Variants in PCDH9 observed in about 807,000 individuals in gnomAD.
PCDH9 encodes protocadherin 9.
A neutral mutation model predicts 70.6 loss-of-function variants in PCDH9; 24 were observed. That is an observed-to-expected ratio of 0.34 (90% confidence interval 0.25 to 0.48). The LOEUF is 0.48. Among genes scored for constraint, PCDH9 ranks in the 20% least tolerant of loss-of-function variants. The pLI, the probability that PCDH9 is intolerant of heterozygous loss-of-function variation, is 0.99. For missense variants in PCDH9, 1,281 were observed against 1,503.6 expected, an observed-to-expected ratio of 0.85 and a Z score of 2.45; for synonymous variants, 562 against 558.5, an observed-to-expected ratio of 1.01 and a Z score of -0.09.
At chr13:66,337,437 T>C (rs1334767811) in intron 4 of PCDH9, among the ~76,000 whole-genome samples, 1 of 151,956 alleles carries the variant, frequency 6.6e-6, no homozygotes, top group African/African-American at 2.4e-5. Context: ...CCCTTGGTGA[T>C]TGAGGTATGA....
intron 3 of PCDH9, among the ~76,000 whole-genome samples, chr13:66,819,763 G>T (rs1191292330): frequency 6.6e-6 from 1 of 152,062 alleles, no homozygotes; most frequent in Non-Finnish European, 1.5e-5. Context: ...GTGCATGGTG[G>T]CACCTGCCTC....
intron 2 of PCDH9, among the ~76,000 whole-genome samples, chr13:67,134,279 G>A (rs187935904): frequency 3.9e-5 from 6 of 152,152 alleles, no homozygotes; most frequent in Admixed American, 2.0e-4. Context: ...AACACTCCCT[G>A]AGGTTTTTAG....
intron 4 of PCDH9, among the ~76,000 whole-genome samples, chr13:66,561,361 C>T (rs1269770122): frequency 6.6e-6 from 1 of 152,210 alleles, no homozygotes; most frequent in East Asian, 1.9e-4. Flanking sequence ...CCGCCCCTTG[C>T]TCCACTGCAC....
At position 67,160,844 on chromosome 13, in the gene PCDH9, A is replaced by C. The variant is rs74095369; in HGVS notation, c.3036+64561T>G. Among the ~76,000 whole-genome samples the C allele has an allele frequency of 7.1e-3, 1,081 of 152,328 alleles. 13 individuals are homozygous for C. The highest frequency in any genetic ancestry group is 0.025 in the African/African-American group (1,027 of 41,576). Reference sequence around the variant, plus strand: ...TGAACATTTGTGTAGCACTGAGTACAATTGAATTCTCACACCTTTTGAATT... The same window carrying C: ...TGAACATTTGTGTAGCACTGAGTACCATTGAATTCTCACACCTTTTGAATT... On this transcript the variant is annotated intron_variant, in intron 2 of 4. Transcript: ENST00000377865.
intron 4 of PCDH9, among the ~76,000 whole-genome samples, chr13:66,370,400 G>A (rs538558111): frequency 2.0e-5 from 3 of 151,576 alleles, no homozygotes; most frequent in East Asian, 1.9e-4. Flanking sequence ...TTTTTGTTTC[G>A]GTAAAGTGTG....
intron 3 of PCDH9, among the ~76,000 whole-genome samples, chr13:66,730,598 A>G (rs1295157100): frequency 6.6e-6 from 1 of 152,076 alleles, no homozygotes; most frequent in Non-Finnish European, 1.5e-5. Flanking sequence ...AGGGTGGAGC[A>G]TATGTATATA....
intron 4 of PCDH9, among the ~76,000 whole-genome samples, chr13:66,313,798 T>A (rs1190727950): frequency 6.6e-6 from 1 of 152,136 alleles, no homozygotes; most frequent in Non-Finnish European, 1.5e-5. Context: ...CTCACAATCA[T>A]CAGAGGTGGT....
At chr13:66,605,960 G>A (rs1194445615) in intron 4 of PCDH9, among the ~76,000 whole-genome samples, 3 of 152,090 alleles carry the variant, frequency 2.0e-5, no homozygotes, top group East Asian at 3.9e-4. Flanking sequence ...GAGTCTACTA[G>A]ATTTGCAGGA....
chr13:66,690,006 G>C (rs766207732), intron 3 of PCDH9, among the ~76,000 whole-genome samples: 1 of 152,046 alleles, frequency 6.6e-6, no homozygotes, highest in Non-Finnish European at 1.5e-5. Context: ...AATTTGATGA[G>C]CATTATCTTA....
chr13:66,580,725 G>A (rs754242897), intron 4 of PCDH9, among the ~76,000 whole-genome samples: 4 of 151,802 alleles, frequency 2.6e-5, no homozygotes, highest in East Asian at 3.9e-4. Flanking sequence ...CCATAGAAAC[G>A]TACACTTTAA....
intron 2 of PCDH9, chr13:67,217,733 ATATAGTCT>A (rs1465190430): frequency 6.6e-6 from 1 of 152,086 alleles, no homozygotes; most frequent in Non-Finnish European, 1.5e-5. Flanking sequence ...TGGTAATGCT[ATATAGTCT>A]TATAGACACC....
chr13:66,625,946 G>A (rs2077492801), intron 4 of PCDH9, among the ~76,000 whole-genome samples: 2 of 152,140 alleles, frequency 1.3e-5, no homozygotes, highest in African/African-American at 4.8e-5. Context: ...TTAAAGATGT[G>A]AGCCATGGCA....
chr13:67,126,733 C>A lies in PCDH9; in HGVS notation c.3036+98672G>T, dbSNP rs144141797. Among the ~76,000 whole-genome samples the A allele has an allele frequency of 2.9e-3, 448 of 152,204 alleles. 5 individuals carry two copies. Among genetic ancestry groups the A allele is most frequent in the African/African-American group, 9.6e-3 (398 of 41,538 alleles). Reference sequence around the variant, plus strand: ...AGTGTGGTGGCACATGCCTGTAAGCCTGGCTACTTGGGAGGCTGAGGTGGG... The same window carrying A: ...AGTGTGGTGGCACATGCCTGTAAGCATGGCTACTTGGGAGGCTGAGGTGGG... On this transcript the variant is annotated intron_variant, in intron 2 of 4. Coordinates refer to ENST00000377865, the MANE Select transcript of PCDH9 (RefSeq NM_203487.3).
At chr13:66,909,649 GT>G (rs1484503386) in intron 2 of PCDH9, among the ~76,000 whole-genome samples, 3 of 151,978 alleles carry the variant, frequency 2.0e-5, no homozygotes, top group Non-Finnish European at 4.4e-5. Context: ...GGCGCCTGTA[GT>G]CCCAGCTACT....
intron 2 of PCDH9, among the ~76,000 whole-genome samples, chr13:67,030,429 T>C (rs1000463818): frequency 2.0e-5 from 3 of 151,902 alleles, no homozygotes; most frequent in Non-Finnish European, 4.4e-5. Context: ...CACTCAAACT[T>C]ATTCCTTCTA....
At chr13:67,016,692 C>T (rs551310167) in intron 2 of PCDH9, among the ~76,000 whole-genome samples, 1 of 152,276 alleles carries the variant, frequency 6.6e-6, no homozygotes, top group African/African-American at 2.4e-5. Context: ...CATCACATCA[C>T]CAAAGCTACT....
chr13:66,341,055 C>T (rs554696347), intron 4 of PCDH9, among the ~76,000 whole-genome samples: 2 of 152,136 alleles, frequency 1.3e-5, no homozygotes, highest in African/African-American at 4.8e-5. Context: ...ATTTAGAGTG[C>T]AAAGTAAAAT....
intron 3 of PCDH9, among the ~76,000 whole-genome samples, chr13:66,843,373 CA>C (rs2081149531): frequency 7.4e-6 from 1 of 134,346 alleles, no homozygotes; most frequent in South Asian, 2.4e-4. Context: ...CACACACACA[CA>C]TATACATGCA....
intron 3 of PCDH9, among the ~76,000 whole-genome samples, chr13:66,707,142 A>G (rs2078722291): frequency 6.6e-6 from 1 of 152,218 alleles, no homozygotes. Flanking sequence ...CATTCACGTG[A>G]AAGAGGTGAA....
Sources: allele counts gnomAD v4.1 joint callset (sites outside exome capture counted in the v4.1 genomes callset), GRCh38; gene constraint gnomAD v4.1.1; transcripts MANE v1.5; gene names NCBI Gene and HGNC (gene_info 2026-07-23, HGNC 2026-07-21).